Variants in CEP128 observed in about 807,000 individuals in gnomAD.
The protein encoded by CEP128 is centrosomal protein 128kDa.
Under a neutral mutation model 156.7 loss-of-function variants are expected in CEP128, and 132 were observed. The ratio of observed to expected loss-of-function variants is 0.84; its 90% CI spans 0.73 to 0.97. The LOEUF (loss-of-function observed/expected upper bound fraction) is 0.97, where lower values mean the gene tolerates loss of function less well. CEP128 is among the 50% of genes least tolerant of loss of function. The pLI, the probability that CEP128 is intolerant of heterozygous loss-of-function variation, is 0.00. For synonymous variants in CEP128, 469 were observed against 448.9 expected (o/e 1.04, Z -0.57); for missense variants, 1,252 against 1,281.9 (o/e 0.98, Z 0.36).
At chr14:80,552,049 TTAAA>T (rs1890231531) in intron 21 of CEP128, among the ~76,000 whole-genome samples, 1 of 152,140 alleles carries the variant, frequency 6.6e-6, no homozygotes, top group Non-Finnish European at 1.5e-5. Flanking sequence ...TGTTTGTTTT[TTAAA>T]TAAAGTGGGA....
At chr14:80,822,341 G>A (rs1468143905) in intron 13 of CEP128, among the ~76,000 whole-genome samples, 1 of 152,136 alleles carries the variant, frequency 6.6e-6, no homozygotes, top group Non-Finnish European at 1.5e-5. Flanking sequence ...CATTCCAAAT[G>A]AAAGAAATTG....
chr14:80,764,431 A>G (rs913831885), intron 16 of CEP128, among the ~76,000 whole-genome samples: 6 of 151,826 alleles, frequency 4.0e-5, no homozygotes, highest in East Asian at 1.9e-4. Flanking sequence ...CCCGGGAAGC[A>G]GAGCTTGCAG....
At chr14:80,787,461 G>GA (rs770198827) in intron 14 of CEP128, among the ~76,000 whole-genome samples, 239 of 144,138 alleles carry the variant, frequency 1.7e-3, no homozygotes, top group African/African-American at 3.4e-3. Context: ...TCAATAGCCA[G>GA]AAAAAAAAAA....
At chr14:80,734,616 G>A (rs971902085) in intron 19 of CEP128, among the ~76,000 whole-genome samples, 10 of 151,978 alleles carry the variant, frequency 6.6e-5, no homozygotes, top group Admixed American at 3.3e-4. Context: ...TTGGGAGGCC[G>A]AGGCGGGCAG....
rs1235173632 is a variant in CEP128 at position 80,757,004 on chromosome 14, T to A, written c.2554-53A>T. On this transcript the variant is annotated intron_variant, in intron 17 of 24. Coordinates refer to ENST00000555265, the MANE Select transcript of CEP128 (RefSeq NM_152446.5). ...AATACATTTTTCTCTGACATAAACA[T>A]ATATAAATGAAATTCTTCACCACAG... 25 of 1,177,844 alleles carry A rather than the reference T, an allele frequency of 2.1e-5. No homozygotes were observed. In the Admixed American group the frequency reaches 4.4e-4, roughly 21 times the overall value. The allele number at this position is 1,177,844 out of a possible 1,614,324, so 73.0% of individuals were successfully genotyped here.
intron 13 of CEP128, among the ~76,000 whole-genome samples, chr14:80,818,176 T>C (rs1884972094): frequency 6.6e-6 from 1 of 152,092 alleles, no homozygotes; most frequent in Non-Finnish European, 1.5e-5. Context: ...TGTACCACTA[T>C]GCCTGGCTAA....
At chr14:80,798,883 T>C (rs73344643) in intron 13 of CEP128, among the ~76,000 whole-genome samples, 1 of 152,210 alleles carries the variant, frequency 6.6e-6, no homozygotes, top group African/African-American at 2.4e-5. Context: ...TTGGGCACCT[T>C]GGTGAACATT....
chr14:80,811,464 G>C (rs1469742804), intron 13 of CEP128, among the ~76,000 whole-genome samples: 1 of 152,040 alleles, frequency 6.6e-6, no homozygotes, highest in Non-Finnish European at 1.5e-5. Flanking sequence ...TGTTTCTTTT[G>C]AGATTAAGTC....
At position 80,643,049 on chromosome 14, in the gene CEP128, C is replaced by T. The variant is rs545773010; in HGVS notation, c.2807-62626G>A. ...GATTACAGGCGTGAGCCACCGCGCC[C>T]GGCTGACCCACATATATTAAGGGTA... On this transcript the variant is annotated intron_variant, in intron 19 of 24. Transcript: ENST00000555265. 2.4e-4 allele frequency among the ~76,000 whole-genome samples: 37 copies of T among 152,188 alleles called. 1 individual carries two copies. Among genetic ancestry groups the T allele is most frequent in the African/African-American group, 7.2e-5 (3 of 41,534 alleles).
intron 24 of CEP128, among the ~76,000 whole-genome samples, chr14:80,502,319 C>T (rs192757106): frequency 6.6e-6 from 1 of 152,124 alleles, no homozygotes; most frequent in South Asian, 2.1e-4. Context: ...TCTGGGCACA[C>T]GGGCATCAAT....
chr14:80,620,990 C>A (rs552652091), intron 19 of CEP128, among the ~76,000 whole-genome samples: 1 of 152,126 alleles, frequency 6.6e-6, no homozygotes, highest in African/African-American at 2.4e-5. Flanking sequence ...ATGATATATA[C>A]CAAATTCAGG....
chr14:80,609,363 C>T (rs1892907216), intron 19 of CEP128, among the ~76,000 whole-genome samples: 1 of 151,922 alleles, frequency 6.6e-6, no homozygotes, highest in South Asian at 2.1e-4. Context: ...CCTTTTAAAA[C>T]CAAAACATTA....
At chr14:80,478,434 G>C (rs891601340) in intron 14 of CEP128, 3 of 152,224 alleles carry the variant, frequency 2.0e-5, no homozygotes, top group Admixed American at 2.0e-4. Context: ...AAAACTCATT[G>C]GTGTCATTGA....
intron 17 of CEP128, among the ~76,000 whole-genome samples, chr14:80,759,797 T>C (rs1041431622): frequency 6.6e-6 from 1 of 152,026 alleles, no homozygotes; most frequent in Non-Finnish European, 1.5e-5. Context: ...TTGTGACTCA[T>C]AAAGAAATAA....
chr14:80,818,521 T>G (rs1438554794), intron 13 of CEP128, among the ~76,000 whole-genome samples: 1 of 152,210 alleles, frequency 6.6e-6, no homozygotes. Context: ...TGGCCACAGA[T>G]GGCTAGACCA....
chr14:80,614,154 T>A (rs1000557905), intron 19 of CEP128, among the ~76,000 whole-genome samples: 2 of 151,874 alleles, frequency 1.3e-5, no homozygotes, highest in African/African-American at 4.8e-5. Context: ...AAGAAAAAAA[T>A]TGAGGTGGTT....
intron 19 of CEP128, among the ~76,000 whole-genome samples, chr14:80,650,358 G>A (rs998241729): frequency 3.9e-5 from 6 of 152,156 alleles, no homozygotes; most frequent in South Asian, 4.1e-4. Context: ...CATGTCATCT[G>A]CAAACAGAGA....
At position 80,600,461 on chromosome 14, in the gene CEP128, G is replaced by A. The variant is rs72689077; in HGVS notation, c.2807-20038C>T. On this transcript the variant is annotated intron_variant, in intron 19 of 24. Transcript: ENST00000555265. ...CTAGAAGGCAGTGGATTACATATTC[G>A]AAGGGATAAACAGAAAAAAGAGAGA... 1.7e-3 allele frequency among the ~76,000 whole-genome samples: 258 copies of A among 152,234 alleles called. No homozygotes were observed. The Middle Eastern group carries it at 0.024, about 14-fold the overall frequency.
intron 14 of CEP128, among the ~76,000 whole-genome samples, chr14:80,790,480 T>C (rs1010704043): frequency 6.6e-6 from 1 of 152,130 alleles, no homozygotes; most frequent in Non-Finnish European, 1.5e-5. Flanking sequence ...TCTCCTAATA[T>C]GTGTTACCTA....
Sources: gnomAD v4.1 joint callset for allele counts (sites outside exome capture counted in the v4.1 genomes callset) on GRCh38, gnomAD v4.1.1 for gene constraint, MANE v1.5 for transcripts, NCBI Gene and HGNC (gene_info 2026-07-23, HGNC 2026-07-21) for gene names.